PRKCZ: variants seen among roughly 807,000 people sequenced by gnomAD.
The protein encoded by PRKCZ is protein kinase C zeta.
PRKCZ carries 33 observed loss-of-function variants against 79.5 expected under a neutral mutation model. The observed-to-expected ratio is 0.41, with a 90% CI of 0.31 to 0.55. PRKCZ has a LOEUF of 0.55. Ranked by LOEUF, PRKCZ falls within the 20% of genes least tolerant of loss-of-function variation. The pLI is 0.19. For synonymous variants in PRKCZ, 342 were observed against 320.9 expected (o/e 1.07, Z -0.70); for missense variants, 578 against 813.5 (o/e 0.71, Z 3.52).
chr1:2,100,717 C>T (rs936154206), intron 4 of PRKCZ, among the ~76,000 whole-genome samples: 3 of 152,138 alleles, frequency 2.0e-5, no homozygotes, highest in Non-Finnish European at 2.9e-5. Flanking sequence ...TGGTGGCTCC[C>T]GTGGGACTTT....
intron 16 of PRKCZ, among the ~76,000 whole-genome samples, chr1:2,180,190 G>A (rs1557754061): frequency 6.6e-6 from 1 of 152,332 alleles, no homozygotes; most frequent in East Asian, 1.9e-4. Context: ...GAACCCCTCT[G>A]TCCACCCCAT....
rs1553152756 is a variant in PRKCZ, at chr1:2,117,998, C to CTTTTTTTTTTTTT, written c.335-17260_335-17248dup. ...TATGAGAGAGATTAGCCTATTATTT[C>CTTTTTTTTTTTTT]TTTTTTTTTTTTTTTTGGAGTCTCA... is the stretch of plus-strand genomic sequence containing the variant. On this transcript the variant is annotated intron_variant, in intron 4 of 17. Coordinates refer to ENST00000378567, the MANE Select transcript of PRKCZ (RefSeq NM_002744.6). 1.2e-3 allele frequency among the ~76,000 whole-genome samples: 76 copies of CTTTTTTTTTTTTT among 65,082 alleles called. 2 individuals carry two copies. Among genetic ancestry groups the CTTTTTTTTTTTTT allele is most frequent in the Non-Finnish European group, 1.6e-3 (58 of 36,702 alleles). The allele number at this position is 65,082 out of a possible 152,430, so 42.7% of individuals were successfully genotyped here. A position where few individuals can be genotyped will look rare whatever the true frequency, so the allele number is the denominator to read the frequency against.
chr1:2,150,757 C>G, intron 8 of PRKCZ, 33 bp from the exon 9 acceptor site: 1 of 1,595,492 alleles, frequency 6.3e-7, no homozygotes, highest in Non-Finnish European at 8.6e-7. Context: ...GAACCCCCCT[C>G]TCACTTTCTG....
At chr1:2,169,080 G>T in intron 10 of PRKCZ, 1 of 452,098 alleles carries the variant, frequency 2.2e-6, no homozygotes, top group Non-Finnish European at 4.5e-6. Context: ...TTGCAGCAAT[G>T]AAATCAGGCC....
intron 10 of PRKCZ, among the ~76,000 whole-genome samples, chr1:2,166,673 C>T (rs942910055): frequency 6.6e-6 from 1 of 151,602 alleles, no homozygotes; most frequent in African/African-American, 2.4e-5. Context: ...GGGGCAGCCT[C>T]AGCCCCCCCC....
chr1:2,101,910 G>C (rs183399287), intron 4 of PRKCZ, among the ~76,000 whole-genome samples: 15 of 152,322 alleles, frequency 9.8e-5, no homozygotes, highest in Admixed American at 9.1e-4. Context: ...ATTTATAACA[G>C]ATATGTAGCA....
At chr1:2,184,483 T>C (rs928521964) in intron 16 of PRKCZ, 100 bp from the exon 17 acceptor site, 10 of 814,954 alleles carry the variant, frequency 1.2e-5, no homozygotes, top group Non-Finnish European at 1.8e-5. Flanking sequence ...ATGCTGACTT[T>C]CTCACTGTTT....
At chr1:2,169,305 G>C (rs1375288899) in intron 10 of PRKCZ, 2 of 608,608 alleles carry the variant, frequency 3.3e-6, no homozygotes, top group Non-Finnish European at 6.2e-6. Context: ...GCCCCCGCAT[G>C]ACTCCCTCAC....
intron 10 of PRKCZ, among the ~76,000 whole-genome samples, chr1:2,167,044 A>G (rs774444909): frequency 2.0e-4 from 30 of 152,356 alleles, no homozygotes; most frequent in Middle Eastern, 3.4e-3. Context: ...AATTGACACC[A>G]GATTGTCCTG....
chr1:2,109,185 C>T (rs1196420006), intron 4 of PRKCZ, among the ~76,000 whole-genome samples: 1 of 152,216 alleles, frequency 6.6e-6, no homozygotes, highest in African/African-American at 2.4e-5. Context: ...CCGGGACTTG[C>T]ATGTGGGGCT....
chr1:2,164,910 TGCTCAACTTCACCCCA>T, intron 10 of PRKCZ, among the ~76,000 whole-genome samples: 1 of 152,244 alleles, frequency 6.6e-6, no homozygotes, highest in African/African-American at 2.4e-5. Flanking sequence ...CCTTCTCCTC[TGCTCAACTTCACCCCA>T]GGCCGTGTCT....
rs150081141 is a variant in PRKCZ at position 2,128,046 on chromosome 1, G to A, written c.335-7216G>A. ...TGGAGCTCAGAATCTAGTGGAAATC[G>A]CTGCCCAGGGAAGAAGCTCCGGAGT... is the stretch of plus-strand genomic sequence containing the variant. On this transcript the variant is annotated intron_variant, in intron 4 of 17. Transcript: ENST00000378567. The surrounding 1 kb of genome is among the most constrained non-coding windows in gnomAD (Gnocchi z 6.5). Among the ~76,000 whole-genome samples the A allele has an allele frequency of 3.3e-5, 5 of 152,284 alleles. No homozygotes were observed. The highest frequency in any genetic ancestry group is 5.9e-5 in the Non-Finnish European group (4 of 68,016).
At chr1:2,110,402 C>T (rs1157520895) in intron 4 of PRKCZ, among the ~76,000 whole-genome samples, 2 of 152,256 alleles carry the variant, frequency 1.3e-5, no homozygotes, top group African/African-American at 2.4e-5. Flanking sequence ...CAGGCTTCAT[C>T]CCCGGTCAGG....
chr1:2,067,424 C>T (rs1218446833), intron 4 of PRKCZ, among the ~76,000 whole-genome samples: 1 of 152,118 alleles, frequency 6.6e-6, no homozygotes, highest in Non-Finnish European at 1.5e-5. Context: ...GGGGCTGGGT[C>T]GTTCGGGGCT....
At chr1:2,146,534 A>G (rs893241443) in intron 7 of PRKCZ, among the ~76,000 whole-genome samples, 1 of 152,234 alleles carries the variant, frequency 6.6e-6, no homozygotes, top group African/African-American at 2.4e-5. Context: ...ACAGCGTGGC[A>G]GTGGCATGGT....
intron 4 of PRKCZ, among the ~76,000 whole-genome samples, chr1:2,102,833 C>T (rs1667729366): frequency 6.6e-6 from 1 of 152,068 alleles, no homozygotes; most frequent in African/African-American, 2.4e-5. Flanking sequence ...CTGGAGGGGC[C>T]TTACCCTTTG....
chr1:2,051,453 C>T (rs1214709420), intron 1 of PRKCZ, among the ~76,000 whole-genome samples: 1 of 152,186 alleles, frequency 6.6e-6, no homozygotes, highest in Non-Finnish European at 1.5e-5. Flanking sequence ...GGGGAGGACC[C>T]GTGGGTTTGT....
In PRKCZ at chr1:2,094,841, C is replaced by G. The variant is rs1666182128; in HGVS notation, c.334+35250C>G. Among the ~76,000 whole-genome samples the G allele has an allele frequency of 6.6e-6, 1 of 152,198 alleles. No individual in the cohort carries two copies. Among genetic ancestry groups the G allele is most frequent in the Non-Finnish European group, 1.5e-5 (1 of 68,030 alleles). On this transcript the variant is annotated intron_variant, in intron 4 of 17. Transcript: ENST00000378567. This position sits in a 1 kb window ranked among gnomAD's most constrained non-coding sequence, Gnocchi z 7.3. ...CTGCTGGCTCTTTTGGCCTTGGATTCATTTCTGGAGCTGCAGAGTCACTTC... is the reference window on the plus strand; with the variant it reads ...CTGCTGGCTCTTTTGGCCTTGGATTGATTTCTGGAGCTGCAGAGTCACTTC...
At chr1:2,104,124 G>GA (rs1667962398) in intron 4 of PRKCZ, among the ~76,000 whole-genome samples, 1 of 152,074 alleles carries the variant, frequency 6.6e-6, no homozygotes, top group Non-Finnish European at 1.5e-5. Context: ...CCTGTAAGGA[G>GA]ACTGTCTCGG....
Sources: gnomAD v4.1 joint callset for allele counts (sites outside exome capture counted in the v4.1 genomes callset) on GRCh38, gnomAD v4.1.1 for gene constraint, Gnocchi (gnomAD v3.1) non-coding constraint, MANE v1.5 for transcripts, NCBI Gene and HGNC (gene_info 2026-07-23, HGNC 2026-07-21) for gene names.